Variants in PEMT observed in about 807,000 individuals in gnomAD.
The protein encoded by PEMT is phosphatidylethanolamine N-methyltransferase.
Under a neutral mutation model 27.4 loss-of-function variants are expected in PEMT, and 23 were observed. That is an observed-to-expected ratio of 0.84 (90% CI 0.60 to 1.19). The LOEUF (loss-of-function observed/expected upper bound fraction) is 1.19. Among genes scored for constraint, PEMT ranks in the 50% most tolerant of loss-of-function variants. The pLI is 0.00. For synonymous variants in PEMT, 137 were observed against 139.1 expected, an observed-to-expected ratio of 0.98 and a Z score of 0.11; for missense variants, 307 against 310.1, an observed-to-expected ratio of 0.99 and a Z score of 0.07.
intron 2 of PEMT, among the ~76,000 whole-genome samples, chr17:17,544,985 A>G (rs749592534): frequency 6.6e-6 from 1 of 152,248 alleles, no homozygotes; most frequent in African/African-American, 2.4e-5. Flanking sequence ...AGGGAGTCCA[A>G]GGTGGGCCCG....
chr17:17,548,435 C>T (rs1371725071), intron 2 of PEMT, among the ~76,000 whole-genome samples: 1 of 152,218 alleles, frequency 6.6e-6, no homozygotes. Flanking sequence ...CTCTAGGCTG[C>T]ACTGGAGATC....
chr17:17,511,293 G>C (rs972106804), intron 4 of PEMT, among the ~76,000 whole-genome samples: 1 of 152,154 alleles, frequency 6.6e-6, no homozygotes, highest in African/African-American at 2.4e-5. Flanking sequence ...CCCCCTTCCT[G>C]GACCAAACTC....
chr17:17,506,593 C>A (rs1289947675), intron 5 of PEMT, among the ~76,000 whole-genome samples: 2 of 152,256 alleles, frequency 1.3e-5, no homozygotes, highest in Non-Finnish European at 2.9e-5. Context: ...CTCCAGCCGC[C>A]AGCCCAGAGC....
intron 2 of PEMT, among the ~76,000 whole-genome samples, chr17:17,573,591 T>A (rs550795933): frequency 1.3e-5 from 2 of 152,146 alleles, no homozygotes; most frequent in South Asian, 2.1e-4. Context: ...CTAGAGATGA[T>A]GTAAAGTATA....
At chr17:17,550,547 C>A (rs2142642252) in intron 2 of PEMT, among the ~76,000 whole-genome samples, 1 of 152,292 alleles carries the variant, frequency 6.6e-6, no homozygotes, top group East Asian at 1.9e-4. Context: ...CAAAACCAAA[C>A]AAGAACAGAA....
At chr17:17,577,289 C>T (rs528005008) in intron 1 of PEMT, 3 of 469,682 alleles carry the variant, frequency 6.4e-6, no homozygotes, top group African/African-American at 3.9e-5. Flanking sequence ...AAGAGGGGTG[C>T]CTGGCACCCT....
chr17:17,538,515 A>G (rs1908649060), intron 2 of PEMT, among the ~76,000 whole-genome samples: 1 of 152,056 alleles, frequency 6.6e-6, no homozygotes, highest in Non-Finnish European at 1.5e-5. Context: ...GGATTACACC[A>G]TTGCATTCCA....
intron 2 of PEMT, among the ~76,000 whole-genome samples, chr17:17,540,648 C>T (rs1237607404): frequency 1.3e-5 from 2 of 152,162 alleles, no homozygotes; most frequent in African/African-American, 4.8e-5. Context: ...CAGGCTCCGC[C>T]CCTCCCCATG....
At chr17:17,580,319 A>G (rs1279487650) in intron 1 of PEMT, among the ~76,000 whole-genome samples, 1 of 152,102 alleles carries the variant, frequency 6.6e-6, no homozygotes, top group South Asian at 2.1e-4. Context: ...TCCACTAAAA[A>G]TACAAAAATT....
At chr17:17,572,802 G>A (rs1911296010) in intron 2 of PEMT, among the ~76,000 whole-genome samples, 1 of 152,226 alleles carries the variant, frequency 6.6e-6, no homozygotes, top group African/African-American at 2.4e-5. Flanking sequence ...TTGCTGTGAA[G>A]ATTCATTGAA....
At position 17,512,708 on chromosome 17, in the gene PEMT, C is replaced by G; in HGVS notation, c.321-54G>C. On this transcript the variant is annotated intron_variant, in intron 3 of 6. Transcript: ENST00000255389. This position sits in a 1 kb window ranked among gnomAD's most constrained non-coding sequence, Gnocchi z 6.3. ...GTCATGGCCAGGGAGGATGTCACAG[C>G]CCGGGAGGAGGCCGACCTCATCTTC... 6.9e-7 allele frequency: 1 copy of G among 1,440,342 alleles called. No homozygotes were observed. The highest frequency in any genetic ancestry group is 9.2e-7 in the Non-Finnish European group (1 of 1,085,410). 89.2% of individuals were successfully genotyped at this position (1,440,342 alleles called of 1,614,324 possible).
chr17:17,526,540 G>A (rs564685037), intron 2 of PEMT, among the ~76,000 whole-genome samples: 6 of 152,350 alleles, frequency 3.9e-5, no homozygotes, highest in East Asian at 1.9e-4. Context: ...GAGAGCGCCC[G>A]TCTCTCCCCC....
chr17:17,522,523 C>T (rs368572787), intron 2 of PEMT, 128 bp from the exon 3 acceptor site: 74 of 665,992 alleles, frequency 1.1e-4, no homozygotes, highest in African/African-American at 4.5e-4. Context: ...AAGAATTACA[C>T]GGGAGCAACA....
chr17:17,549,333 G>A (rs992206672), intron 2 of PEMT, among the ~76,000 whole-genome samples: 21 of 152,182 alleles, frequency 1.4e-4, no homozygotes, highest in Non-Finnish European at 1.5e-5. Context: ...GGGACTACAG[G>A]CACATGCCAC....
chr17:17,576,043 G>A (rs181417193), intron 2 of PEMT, among the ~76,000 whole-genome samples: 3 of 152,154 alleles, frequency 2.0e-5, no homozygotes, highest in Non-Finnish European at 4.4e-5. Flanking sequence ...GTGATCACAG[G>A]ACGCTCAGGG....
At chr17:17,534,801 C>T (rs1188562919) in intron 2 of PEMT, among the ~76,000 whole-genome samples, 3 of 152,168 alleles carry the variant, frequency 2.0e-5, no homozygotes, top group South Asian at 2.1e-4. Flanking sequence ...CCAGCCTGGG[C>T]GACAGAGCAA....
Position 17,582,284 on chromosome 17 carries a change from C to A in PEMT, c.97-5257G>T. The A allele has an allele frequency of 1.0e-6, 1 of 985,550 alleles. No individual in the cohort carries two copies. Among genetic ancestry groups the A allele is most frequent in the Non-Finnish European group, 1.2e-6 (1 of 829,996 alleles). 61.1% of individuals were successfully genotyped at this position (985,550 alleles called of 1,614,324 possible). A position where few individuals can be genotyped will look rare whatever the true frequency, so the allele number is the denominator to read the frequency against. On this transcript the variant is annotated intron_variant, in intron 1 of 6. Transcript: ENST00000255389. The surrounding 1 kb of genome is among the most constrained non-coding windows in gnomAD (Gnocchi z 4.9). Reference sequence around the variant, plus strand: ...CTACCCACCACGGCCAGGAGGTCTGCTGAGCTGCAGGAATAGCTCGAGTCC... The same window carrying A: ...CTACCCACCACGGCCAGGAGGTCTGATGAGCTGCAGGAATAGCTCGAGTCC...
intron 1 of PEMT, among the ~76,000 whole-genome samples, chr17:17,589,790 A>G (rs1041654301): frequency 5.3e-5 from 8 of 152,182 alleles, no homozygotes; most frequent in Admixed American, 3.3e-4. Context: ...TTTAAGAAAA[A>G]TCCCTTGGCA....
chr17:17,513,290 G>A lies in PEMT; in HGVS notation c.321-636C>T, dbSNP rs1906558147. ...AGGCTCCCTTTGGGGCCAAACCACTGAAGGCCTTGTAAAAAGGTAGTGGGG... is the reference window on the plus strand; with the variant it reads ...AGGCTCCCTTTGGGGCCAAACCACTAAAGGCCTTGTAAAAAGGTAGTGGGG... On this transcript the variant is annotated intron_variant, in intron 3 of 6. Coordinates refer to ENST00000255389, the MANE Select transcript of PEMT (RefSeq NM_148172.3). This position sits in a 1 kb window ranked among gnomAD's most constrained non-coding sequence, Gnocchi z 4.1. 6.6e-6 allele frequency among the ~76,000 whole-genome samples: 1 copy of A among 152,190 alleles called. No homozygotes were observed. Among genetic ancestry groups the A allele is most frequent in the South Asian group, 2.1e-4 (1 of 4,830 alleles).
Sources: gnomAD v4.1 joint callset for allele counts (sites outside exome capture counted in the v4.1 genomes callset) on GRCh38, gnomAD v4.1.1 for gene constraint, Gnocchi (gnomAD v3.1) non-coding constraint, MANE v1.5 for transcripts, NCBI Gene and HGNC (gene_info 2026-07-23, HGNC 2026-07-21) for gene names.